Variants in PTPRD observed in about 807,000 individuals in gnomAD.
PTPRD encodes receptor-type tyrosine-protein phosphatase delta.
PTPRD carries 34 observed loss-of-function variants against 214.5 expected under a neutral mutation model. The observed-to-expected ratio is 0.16, with a 90% CI of 0.12 to 0.21. PTPRD has a LOEUF of 0.21. PTPRD is among the 10% of genes least tolerant of loss of function. PTPRD has a pLI of 1.00. For synonymous variants in PTPRD, 1,128 were observed against 845.7 expected (o/e 1.33, Z -5.79); for missense variants, 2,545 against 2,398.7 (o/e 1.06, Z -1.27).
intron 11 of PTPRD, among the ~76,000 whole-genome samples, chr9:8,866,206 C>A (rs1344046199): frequency 1.3e-5 from 2 of 152,136 alleles, no homozygotes; most frequent in South Asian, 2.1e-4. Context: ...CAAAACTATT[C>A]TTTCCCAACT....
intron 4 of PTPRD, among the ~76,000 whole-genome samples, chr9:9,953,521 C>T (rs1046125307): frequency 2.0e-5 from 3 of 148,968 alleles, no homozygotes; most frequent in African/African-American, 7.6e-5. Context: ...CACACACACA[C>T]ACATACATAC....
intron 5 of PTPRD, among the ~76,000 whole-genome samples, chr9:9,803,109 T>C (rs945530563): frequency 1.5e-4 from 23 of 151,948 alleles, no homozygotes; most frequent in African/African-American, 7.2e-5. Flanking sequence ...ATTAGGTAAA[T>C]ATATTGCCAG....
intron 9 of PTPRD, among the ~76,000 whole-genome samples, chr9:9,372,971 A>AC (rs1336025480): frequency 2.0e-5 from 3 of 152,088 alleles, no homozygotes; most frequent in Non-Finnish European, 4.4e-5. Context: ...CCCCACAAAA[A>AC]ATACCAGTTT....
chr9:9,678,586 T>C (rs555947694), intron 7 of PTPRD, among the ~76,000 whole-genome samples: 29 of 151,992 alleles, frequency 1.9e-4, no homozygotes, highest in Admixed American at 5.3e-4. Flanking sequence ...GTGAACATCA[T>C]TATTAATAGT....
chr9:9,287,972 G>A (rs898853997), intron 9 of PTPRD, among the ~76,000 whole-genome samples: 1 of 151,310 alleles, frequency 6.6e-6, no homozygotes, highest in Non-Finnish European at 1.5e-5. Context: ...AAACACTGAA[G>A]CAAAATGTTT....
intron 7 of PTPRD, among the ~76,000 whole-genome samples, chr9:9,642,632 C>T (rs551170535): frequency 6.0e-4 from 91 of 152,136 alleles, no homozygotes; most frequent in Non-Finnish European, 9.1e-4. Context: ...AAATAGCAGC[C>T]GGACCCACAC....
At chr9:10,274,358 C>G (rs1391727615) in intron 3 of PTPRD, among the ~76,000 whole-genome samples, 1 of 152,174 alleles carries the variant, frequency 6.6e-6, no homozygotes, top group African/African-American at 2.4e-5. Flanking sequence ...CAGTTGGACA[C>G]TAACCAGAAG....
intron 10 of PTPRD, among the ~76,000 whole-genome samples, chr9:9,051,504 T>C (rs1006925948): frequency 1.3e-5 from 2 of 152,198 alleles, no homozygotes; most frequent in African/African-American, 4.8e-5. Flanking sequence ...TACATTCAGC[T>C]ATGAAAATTT....
intron 39 of PTPRD, among the ~76,000 whole-genome samples, chr9:8,349,384 T>G (rs989935797): frequency 6.6e-6 from 1 of 152,186 alleles, no homozygotes; most frequent in Non-Finnish European, 1.5e-5. Flanking sequence ...TCCAATTTAC[T>G]CTTTTTTTGT....
chr9:9,598,464 A>C (rs1004746526), intron 7 of PTPRD, among the ~76,000 whole-genome samples: 1 of 152,026 alleles, frequency 6.6e-6, no homozygotes, highest in Non-Finnish European at 1.5e-5. Context: ...CTTTGTTAAA[A>C]AAACAGTTAC....
At chr9:9,156,072 G>A (rs2099880928) in intron 10 of PTPRD, among the ~76,000 whole-genome samples, 1 of 152,062 alleles carries the variant, frequency 6.6e-6, no homozygotes, top group Non-Finnish European at 1.5e-5. Context: ...TCAGAGCAGG[G>A]CAATATTTAT....
At position 8,499,852 on chromosome 9, in the gene PTPRD, T is replaced by C. The variant is rs374218513; in HGVS notation, c.2129-12A>G. On this transcript the variant is annotated splice_polypyrimidine_tract_variant and intron_variant, in intron 24 of 45. Coordinates refer to ENST00000381196, the MANE Select transcript of PTPRD (RefSeq NM_002839.4). The stretch of plus-strand genomic sequence containing the variant: ...AGGACCACTAGGAACTGGAACAACA[T>C]CATTGGATAAAAGAAATTATAGGCA... 4.4e-6 allele frequency: 7 copies of C among 1,592,624 alleles called. No individual in the cohort carries two copies. In the South Asian group the frequency reaches 6.8e-5, roughly 16 times the overall value.
At chr9:10,323,586 T>C (rs1311022819) in intron 3 of PTPRD, among the ~76,000 whole-genome samples, 1 of 151,584 alleles carries the variant, frequency 6.6e-6, no homozygotes, top group Non-Finnish European at 1.5e-5. Context: ...CAACTCTTTC[T>C]ACATCTGGGC....
intron 2 of PTPRD, among the ~76,000 whole-genome samples, chr9:10,457,611 A>G (rs1204352745): frequency 6.6e-6 from 1 of 152,018 alleles, no homozygotes; most frequent in African/African-American, 2.4e-5. Flanking sequence ...TAGGTGAACT[A>G]TTACTGGATC....
At chr9:9,594,748 G>A (rs1436778203) in intron 7 of PTPRD, among the ~76,000 whole-genome samples, 1 of 151,986 alleles carries the variant, frequency 6.6e-6, no homozygotes, top group Non-Finnish European at 1.5e-5. Context: ...CTTTGGCTAT[G>A]TCGGCTTTTT....
At chr9:9,982,074 A>C (rs1316181702) in intron 4 of PTPRD, among the ~76,000 whole-genome samples, 3 of 152,198 alleles carry the variant, frequency 2.0e-5, no homozygotes, top group Non-Finnish European at 4.4e-5. Context: ...CAGTGGAAAC[A>C]GTATGCCTCT....
chr9:9,129,022 C>T (rs1474364617), intron 10 of PTPRD, among the ~76,000 whole-genome samples: 2 of 152,342 alleles, frequency 1.3e-5, no homozygotes, highest in Non-Finnish European at 2.9e-5. Context: ...TTTCATTCTT[C>T]CACAGATGTC....
chr9:10,127,198 AG>A (rs1452601176), intron 3 of PTPRD, among the ~76,000 whole-genome samples: 2 of 152,152 alleles, frequency 1.3e-5, no homozygotes, highest in Admixed American at 6.6e-5. Context: ...ACTGAACTTC[AG>A]GTAGTAGTGG....
At chr9:10,227,224 G>C (rs568583376) in intron 3 of PTPRD, among the ~76,000 whole-genome samples, 1 of 151,976 alleles carries the variant, frequency 6.6e-6, no homozygotes, top group African/African-American at 2.4e-5. Flanking sequence ...TCTAGTGTGA[G>C]AGGATGTGAA....
Sources: gnomAD v4.1 joint callset for allele counts (sites outside exome capture counted in the v4.1 genomes callset) on GRCh38, gnomAD v4.1.1 for gene constraint, MANE v1.5 for transcripts, NCBI Gene and HGNC (gene_info 2026-07-23, HGNC 2026-07-21) for gene names.